Variants in MAGI1 observed in about 807,000 individuals in gnomAD.
The protein encoded by MAGI1 is membrane-associated guanylate kinase, WW and PDZ domain-containing protein 1.
MAGI1 carries 58 observed loss-of-function variants against 139.9 expected under a neutral mutation model. That is an observed-to-expected ratio of 0.41 (90% CI 0.34 to 0.52). The LOEUF (loss-of-function observed/expected upper bound fraction) is 0.52, where lower values mean the gene tolerates loss of function less well. MAGI1 is among the 20% of genes least tolerant of loss of function. The pLI is 0.12. For synonymous variants in MAGI1, 812 were observed against 737.9 expected, an observed-to-expected ratio of 1.10 and a Z score of -1.63; for missense variants, 1,874 against 1,901.6, an observed-to-expected ratio of 0.99 and a Z score of 0.27.
intron 2 of MAGI1, among the ~76,000 whole-genome samples, chr3:65,571,428 T>A (rs1402931078): frequency 6.6e-6 from 1 of 152,102 alleles, no homozygotes; most frequent in African/African-American, 2.4e-5. Context: ...TAGTGTTATT[T>A]ATAAAAGGAT....
chr3:65,890,360 G>A (rs750293772), intron 1 of MAGI1, among the ~76,000 whole-genome samples: 5 of 152,090 alleles, frequency 3.3e-5, no homozygotes, highest in Admixed American at 6.5e-5. Flanking sequence ...GCGAGACTCC[G>A]TCTCAAAACA....
At chr3:65,379,066 GAACA>G in intron 17 of MAGI1, 191 bp downstream of exon 17, 2 of 1,163,804 alleles carry the variant, frequency 1.7e-6, no homozygotes, top group Non-Finnish European at 2.4e-6. Flanking sequence ...TGAAAGGGTT[GAACA>G]AATATTCCCA....
chr3:65,738,726 G>A (rs1463938876), intron 1 of MAGI1, among the ~76,000 whole-genome samples: 1 of 152,158 alleles, frequency 6.6e-6, no homozygotes, highest in Non-Finnish European at 1.5e-5. Context: ...TGGGTGACCA[G>A]GTGCCTTGTC....
At chr3:65,508,939 C>T (rs2077423373) in intron 2 of MAGI1, among the ~76,000 whole-genome samples, 1 of 152,218 alleles carries the variant, frequency 6.6e-6, no homozygotes, top group South Asian at 2.1e-4. Flanking sequence ...TTTATTTCCT[C>T]CATTTGGCAG....
chr3:66,037,050 C>G (rs2068963800), intron 1 of MAGI1, among the ~76,000 whole-genome samples: 1 of 152,162 alleles, frequency 6.6e-6, no homozygotes. Flanking sequence ...GGTCATCCCC[C>G]CACTCCTTCC....
intron 2 of MAGI1, among the ~76,000 whole-genome samples, chr3:65,545,495 A>G (rs951964932): frequency 9.9e-5 from 15 of 152,208 alleles, no homozygotes; most frequent in African/African-American, 3.6e-4. Flanking sequence ...GGAATTGTAC[A>G]TAAGATGTGT....
chr3:65,389,971 T>C (rs543182471), intron 14 of MAGI1, among the ~76,000 whole-genome samples: 1 of 152,320 alleles, frequency 6.6e-6, no homozygotes, highest in African/African-American at 2.4e-5. Context: ...CATCATTCAG[T>C]GGACTGACCA....
chr3:65,702,817 T>A (rs2089708910), intron 1 of MAGI1, among the ~76,000 whole-genome samples: 1 of 152,088 alleles, frequency 6.6e-6, no homozygotes, highest in Non-Finnish European at 1.5e-5. Context: ...AACCAGGATA[T>A]TCCTAAAGCC....
intron 1 of MAGI1, among the ~76,000 whole-genome samples, chr3:65,736,359 C>A (rs1559833946): frequency 6.6e-6 from 1 of 152,022 alleles, no homozygotes; most frequent in African/African-American, 2.4e-5. Context: ...CAGGGCTCTC[C>A]AGAGAAACAG....
intron 2 of MAGI1, among the ~76,000 whole-genome samples, chr3:65,561,332 A>G (rs72902229): frequency 0.013 from 2,031 of 152,260 alleles, 40 homozygotes; most frequent in African/African-American, 0.045. Context: ...ACAACAGGAC[A>G]CCCAATCTAT....
intron 1 of MAGI1, among the ~76,000 whole-genome samples, chr3:65,766,637 C>T (rs1418189524): frequency 1.3e-5 from 2 of 152,102 alleles, no homozygotes; most frequent in East Asian, 2.0e-4. Context: ...CGCCTGTAAT[C>T]CCAACACTTT....
At chr3:65,664,735 T>G (rs906774327) in intron 1 of MAGI1, among the ~76,000 whole-genome samples, 3 of 152,206 alleles carry the variant, frequency 2.0e-5, no homozygotes, top group Non-Finnish European at 4.4e-5. Flanking sequence ...ATGAGTATGT[T>G]TCCAGTGGAG....
At chr3:65,617,369 T>C (rs2083433484) in intron 2 of MAGI1, among the ~76,000 whole-genome samples, 1 of 152,208 alleles carries the variant, frequency 6.6e-6, no homozygotes, top group South Asian at 2.1e-4. Context: ...CTGGATGAGT[T>C]GTATCTCGTT....
At chr3:65,739,540 C>A (rs4688597) in intron 1 of MAGI1, among the ~76,000 whole-genome samples, 50,477 of 152,134 alleles carry the variant, frequency 0.33, 8,772 homozygotes, top group Non-Finnish European at 0.39. Flanking sequence ...TTCAGCCGCT[C>A]TCAGCTTTCC....
chr3:66,015,420 C>G (rs1035503294), intron 1 of MAGI1, among the ~76,000 whole-genome samples: 1 of 151,922 alleles, frequency 6.6e-6, no homozygotes, highest in African/African-American at 2.4e-5. Flanking sequence ...AACCTAAGAA[C>G]CTGGTTTGTT....
chr3:65,926,631 C>T (rs2062537000), intron 1 of MAGI1, among the ~76,000 whole-genome samples: 1 of 152,136 alleles, frequency 6.6e-6, no homozygotes, highest in African/African-American at 2.4e-5. Flanking sequence ...TCTGGTTGTC[C>T]TCACTGCTAC....
intron 1 of MAGI1, among the ~76,000 whole-genome samples, chr3:65,663,406 C>T (rs2086315300): frequency 6.6e-6 from 1 of 152,292 alleles, no homozygotes; most frequent in Non-Finnish European, 1.5e-5. Flanking sequence ...ACAGACCACA[C>T]TTTGGGCACT....
At chr3:65,840,379 C>A (rs1436104474) in intron 1 of MAGI1, among the ~76,000 whole-genome samples, 3 of 152,132 alleles carry the variant, frequency 2.0e-5, no homozygotes, top group South Asian at 2.1e-4. Context: ...CCATTAAGTA[C>A]AATGATAGCT....
chr3:65,869,218 T>C (rs1318033497), intron 1 of MAGI1, among the ~76,000 whole-genome samples: 3 of 141,590 alleles, frequency 2.1e-5, no homozygotes, highest in South Asian at 4.8e-4. Flanking sequence ...ATCGCGCCAC[T>C]GCACTCCAGC....
Sources: gnomAD v4.1 joint callset for allele counts (sites outside exome capture counted in the v4.1 genomes callset) on GRCh38, gnomAD v4.1.1 for gene constraint, MANE v1.5 for transcripts, NCBI Gene and HGNC (gene_info 2026-07-23, HGNC 2026-07-21) for gene names.